Variants in TMPRSS3 observed in about 807,000 individuals in gnomAD.
The protein encoded by TMPRSS3 is transmembrane protease serine 3.
TMPRSS3 carries 55 observed loss-of-function variants against 59.6 expected under a neutral mutation model. The observed-to-expected ratio is 0.92, with a 90% CI of 0.74 to 1.16. The LOEUF is 1.16. Ranked by LOEUF, TMPRSS3 falls within the 50% of genes most tolerant of loss-of-function variation. TMPRSS3 has a pLI of 0.00. For synonymous variants in TMPRSS3, 257 were observed against 237.7 expected, an observed-to-expected ratio of 1.08 and a Z score of -0.75; for missense variants, 596 against 579.4, an observed-to-expected ratio of 1.03 and a Z score of -0.29.
chr21:42,395,887 C>A, intron 1 of TMPRSS3, 55 bp downstream of exon 1: 1 of 505,814 alleles, frequency 2.0e-6, no homozygotes, highest in Admixed American at 2.0e-5. Context: ...AAACGCAATT[C>A]TTTCCCTGTG....
At chr21:42,395,694 T>C (rs1016421853) in intron 1 of TMPRSS3, 41 of 431,256 alleles carry the variant, frequency 9.5e-5, no homozygotes, top group Non-Finnish European at 1.4e-4. Context: ...AAAAAAAGTA[T>C]GAACTTAATT....
At chr21:42,383,647 A>G in intron 7 of TMPRSS3, 1 of 579,048 alleles carries the variant, frequency 1.7e-6, no homozygotes, top group South Asian at 1.8e-5. Flanking sequence ...CGAGGCCTGG[A>G]GTGGGCACTG....
intron 5 of TMPRSS3, among the ~76,000 whole-genome samples, chr21:42,387,096 C>T (rs566186668): frequency 9.4e-6 from 1 of 106,300 alleles, no homozygotes; most frequent in East Asian, 3.1e-4. Context: ...AGGCTACCCC[C>T]ACCATGAGTG....
intron 10 of TMPRSS3, among the ~76,000 whole-genome samples, chr21:42,378,838 C>T (rs1351955338): frequency 6.6e-6 from 1 of 152,014 alleles, no homozygotes; most frequent in South Asian, 2.1e-4. Flanking sequence ...CCCCAGCCTC[C>T]TGAGTAGCTG....
At chr21:42,395,282 G>T (rs1266143984) in intron 2 of TMPRSS3, 42 bp downstream of exon 2, 3 of 1,531,720 alleles carry the variant, frequency 2.0e-6, no homozygotes, top group South Asian at 2.2e-5. Context: ...CTACATGAGG[G>T]TATGGGCAGA....
chr21:42,393,973 A>C (rs1003462601), intron 2 of TMPRSS3, among the ~76,000 whole-genome samples: 11 of 152,232 alleles, frequency 7.2e-5, no homozygotes, highest in African/African-American at 4.8e-5. Context: ...AGTACATGTT[A>C]CTTCCAAAGG....
At position 42,389,045 on chromosome 21, in the gene TMPRSS3, A is replaced by C; in HGVS notation, c.206T>G (p.Ile69Ser). The C allele has an allele frequency of 3.7e-6, 6 of 1,614,118 alleles. No individual in the cohort carries two copies. The highest frequency in any genetic ancestry group is 5.1e-6 in the Non-Finnish European group (6 of 1,180,012). Residue 69 changes from isoleucine (I) to serine (S), a missense_variant and splice_region_variant, in exon 4 of 13, where the codon ATC becomes AGC. By Grantham distance (142) the Ile-to-Ser change is moderately radical. Transcript: ENST00000644384. ...LILALAIGLGIHFDCSGKYRC... is the reference protein window; with the variant it reads ...LILALAIGLGSHFDCSGKYRC... The stretch of plus-strand genomic sequence containing the variant: ...GTACTTCCCTGAGCAGTCGAAGTGG[A>C]CTGGGAAAAGGGAGGAAGGCAGGAA...
At position 42,380,124 on chromosome 21, in the gene TMPRSS3, C is replaced by T. The variant is rs779969755; in HGVS notation, c.1041G>A (p.Glu347=). 1.3e-5 allele frequency: 21 copies of T among 1,613,836 alleles called. No individual in the cohort carries two copies. Among genetic ancestry groups the T allele is most frequent in the Admixed American group, 1.7e-5 (1 of 59,994 alleles). Residue 347 remains glutamate, a synonymous_variant, in exon 10 of 13, where the codon GAG becomes GAA. Coordinates refer to ENST00000644384, the MANE Select transcript of TMPRSS3 (RefSeq NM_001256317.3). ...TGGCTTCAGCCCACTGACCTCCATC[C>T]TCTGTGGCCCCCCATCCTGACGTCC... ...VCWTSGWGAT[E]DGGDASPVLN... is the part of the protein sequence containing the mutation.
chr21:42,376,049 C>T (rs2052423162), intron 11 of TMPRSS3, among the ~76,000 whole-genome samples, 181 bp from the exon 12 acceptor site: 1 of 152,178 alleles, frequency 6.6e-6, no homozygotes, highest in Non-Finnish European at 1.5e-5. Flanking sequence ...ACAGCATCCC[C>T]AAGGGAGGAT....
intron 12 of TMPRSS3, among the ~76,000 whole-genome samples, chr21:42,373,746 G>A (rs7277285): frequency 0.019 from 2,822 of 152,282 alleles, 94 homozygotes; most frequent in African/African-American, 0.064. Context: ...CATGCAGGTC[G>A]TCTCCGCTGT....
At position 42,383,829 on chromosome 21, in the gene TMPRSS3, G is replaced by T. The variant is rs575751103; in HGVS notation, c.616+141C>A. On this transcript the variant is annotated intron_variant, in intron 7 of 12. Transcript: ENST00000644384. ...TGACACTGCTCCCCTCCTCCAGCAG[G>T]TAGGGGTACACAGAGTTCCCGCCTG... 1.4e-3 allele frequency: 1,176 copies of T among 857,124 alleles called. 3 individuals are homozygous for T. The highest frequency in any genetic ancestry group is 3.2e-3 in the South Asian group (228 of 70,498). The allele number at this position is 857,124 out of a possible 1,614,324, so 53.1% of individuals were successfully genotyped here.
intron 7 of TMPRSS3, chr21:42,383,667 AAGG>A (rs1207709406): frequency 1.6e-6 from 1 of 613,702 alleles, no homozygotes; most frequent in East Asian, 3.1e-5. Flanking sequence ...GTGCACGTGT[AAGG>A]AGGAAGTGGG....
At position 42,382,114 on chromosome 21, in the gene TMPRSS3, C is replaced by A. The variant is rs759050767; in HGVS notation, c.903G>T (p.Leu301=). The part of the protein sequence containing the change: ...VYHSKYKPKR[L]GNDIALMKLA... ...GCTTCATAAGGGCGATGTCATTGCC[C>A]AGCCTCTTTGGCTTGTACTTGCTGT... is the stretch of plus-strand genomic sequence containing the variant. Residue 301 remains leucine (L), a synonymous_variant, in exon 9 of 13, where the codon CTG becomes CTT. Transcript: ENST00000644384. The A allele has an allele frequency of 6.2e-7, 1 of 1,614,230 alleles. No individual in the cohort carries two copies. The highest frequency in any genetic ancestry group is 8.5e-7 in the Non-Finnish European group (1 of 1,180,036).
intron 6 of TMPRSS3, among the ~76,000 whole-genome samples, chr21:42,385,096 C>A (rs912976790): frequency 6.2e-5 from 9 of 145,104 alleles, no homozygotes; most frequent in Middle Eastern, 3.3e-3. Context: ...TCCCCACCCC[C>A]CTTCTTGCTT....
At chr21:42,389,568 A>G (rs1601532458) in intron 3 of TMPRSS3, among the ~76,000 whole-genome samples, 1 of 152,312 alleles carries the variant, frequency 6.6e-6, no homozygotes. Context: ...CTTATTGTAA[A>G]AACAGCTGGT....
rs972047466 is a variant in TMPRSS3, at chr21:42,385,535, C to G, written c.447-1G>C. The G allele has an allele frequency of 9.9e-6, 16 of 1,614,146 alleles. No homozygotes were observed. The highest frequency in any genetic ancestry group is 1.4e-5 in the Non-Finnish European group (16 of 1,180,006). ...TCTGAGGTTATCTGAACTCACATAG[C>G]TGCAAGCACATTGGAAAGACAGACC... On this transcript the variant is annotated splice_acceptor_variant, in intron 5 of 12. Coordinates refer to ENST00000644384, the MANE Select transcript of TMPRSS3 (RefSeq NM_001256317.3). LOFTEE classifies it high-confidence loss of function.
rs1289208119 is a variant in TMPRSS3, at chr21:42,372,020, G to A, written c.*742C>T. Reference sequence around the variant, plus strand: ...TTAACCTCCCCACATGTGAAAATAAGTCTTGGAAGTAGAAAGGGTGGGTTT... The same window carrying A: ...TTAACCTCCCCACATGTGAAAATAAATCTTGGAAGTAGAAAGGGTGGGTTT... On this transcript the variant is annotated 3_prime_UTR_variant, in exon 13 of 13. Transcript: ENST00000644384. 4.4e-6 allele frequency: 2 copies of A among 454,522 alleles called. No homozygotes were observed. The highest frequency in any genetic ancestry group is 6.9e-5 in the East Asian group (1 of 14,540). The allele number at this position is 454,522 out of a possible 1,614,324, so 28.2% of individuals were successfully genotyped here.
chr21:42,381,432 A>C (rs150801717), intron 9 of TMPRSS3, among the ~76,000 whole-genome samples: 1 of 152,224 alleles, frequency 6.6e-6, no homozygotes, highest in African/African-American at 2.4e-5. Flanking sequence ...CTGTTTCTCA[A>C]CCAAGATGGC....
At position 42,372,633 on chromosome 21, in the gene TMPRSS3, C is replaced by T; in HGVS notation, c.*129G>A. On this transcript the variant is annotated 3_prime_UTR_variant, in exon 13 of 13. Coordinates refer to ENST00000644384, the MANE Select transcript of TMPRSS3 (RefSeq NM_001256317.3). ...TGGAAGGGTGCCTCTTTCGGGCCTG[C>T]TACTGGTGCCGGAACTCAGAGCTCC... The T allele has an allele frequency of 1.1e-6, 1 of 932,726 alleles. No homozygotes were observed. The highest frequency in any genetic ancestry group is 2.4e-5 in the East Asian group (1 of 41,752). The allele number at this position is 932,726 out of a possible 1,614,324, so 57.8% of individuals were successfully genotyped here.
Sources: gnomAD v4.1 joint callset for allele counts (sites outside exome capture counted in the v4.1 genomes callset) on GRCh38, gnomAD v4.1.1 for gene constraint, MANE v1.5 for transcripts, NCBI Gene and HGNC (gene_info 2026-07-23, HGNC 2026-07-21) for gene names.